Variants in ST7L observed in about 807,000 individuals in gnomAD.
ST7L encodes the protein suppression of tumorigenicity 7 like.
In ST7L, 57 loss-of-function variants were observed where a neutral mutation model predicts 72.5. That is an observed-to-expected ratio of 0.79 (90% CI 0.64 to 0.98). The LOEUF is 0.98. Ranked by LOEUF, ST7L falls within the 50% of genes least tolerant of loss-of-function variation. ST7L has a pLI of 0.00. For synonymous variants in ST7L, 221 were observed against 240.9 expected (o/e 0.92, Z 0.77); for missense variants, 576 against 672.2 (o/e 0.86, Z 1.58).
chr1:112,530,987 G>A (rs1045929748), intron 14 of ST7L, among the ~76,000 whole-genome samples: 4 of 152,150 alleles, frequency 2.6e-5, no homozygotes, highest in Non-Finnish European at 5.9e-5. Context: ...TTAACATGAT[G>A]TGTGCCTATT....
rs574775250 is a variant in ST7L, at chr1:112,596,927, G to A, written c.622+1044C>T. On this transcript the variant is annotated intron_variant, in intron 5 of 14. Coordinates refer to ENST00000358039, the MANE Select transcript of ST7L (RefSeq NM_017744.5). ...GCTGGGATTACAGGCGTGAGCCACCGCGCCCAGCCCATTCATACTTTCCTC... is the reference window on the plus strand; with the variant it reads ...GCTGGGATTACAGGCGTGAGCCACCACGCCCAGCCCATTCATACTTTCCTC... 4.9e-3 allele frequency among the ~76,000 whole-genome samples: 744 copies of A among 152,172 alleles called. 1 individual carries two copies. The highest frequency in any genetic ancestry group is 0.016 in the African/African-American group (659 of 41,518).
At chr1:112,603,032 T>TA (rs1312546314) in intron 3 of ST7L, among the ~76,000 whole-genome samples, 2 of 152,078 alleles carry the variant, frequency 1.3e-5, no homozygotes, top group East Asian at 3.9e-4. Context: ...GATATTTTCT[T>TA]AAAAATGAAC....
intron 14 of ST7L, chr1:112,528,797 A>G (rs1653877685): frequency 6.6e-6 from 1 of 152,194 alleles, no homozygotes; most frequent in Non-Finnish European, 1.5e-5. Flanking sequence ...TGCAGCTAGC[A>G]GATTTATCGT....
At chr1:112,608,286 T>C (rs1008938047) in intron 3 of ST7L, among the ~76,000 whole-genome samples, 8 of 152,194 alleles carry the variant, frequency 5.3e-5, no homozygotes, top group Non-Finnish European at 1.0e-4. Flanking sequence ...CCTAAAGCAC[T>C]AGAATTATAG....
At chr1:112,560,065 C>T (rs1659851975) in intron 11 of ST7L, among the ~76,000 whole-genome samples, 3 of 152,102 alleles carry the variant, frequency 2.0e-5, no homozygotes, top group African/African-American at 7.2e-5. Flanking sequence ...GTCCTACCCA[C>T]CAGCAAATAT....
At chr1:112,528,552 C>G (rs933463093) in intron 14 of ST7L, 6 of 152,330 alleles carry the variant, frequency 3.9e-5, no homozygotes, top group Admixed American at 6.5e-5. Context: ...TTAACTACAG[C>G]TCCTTATCAT....
rs1653157391 is a variant in ST7L, at chr1:112,524,797, ACTT to A, written c.*1213_*1215del. The A allele has an allele frequency of 6.6e-6, 1 of 152,012 alleles. No individual in the cohort carries two copies. Among genetic ancestry groups the A allele is most frequent in the African/African-American group, 2.4e-5 (1 of 41,344 alleles). 9.4% of individuals were successfully genotyped at this position (152,012 alleles called of 1,614,324 possible). A position where few individuals can be genotyped will look rare whatever the true frequency, so the allele number is the denominator to read the frequency against. On this transcript the variant is annotated 3_prime_UTR_variant, in exon 15 of 15. Coordinates refer to ENST00000358039, the MANE Select transcript of ST7L (RefSeq NM_017744.5). The stretch of plus-strand genomic sequence containing the variant: ...GTGTACATATACAGACACATAGAGA[ACTT>A]CTCTCAGGCTGCATAGGAGTTCTGC...
At chr1:112,618,147 A>G (rs1171620569) in intron 1 of ST7L, 6 of 1,275,510 alleles carry the variant, frequency 4.7e-6, no homozygotes, top group Non-Finnish European at 5.1e-6. Flanking sequence ...AGTGAAATAT[A>G]ATCACATGGT....
chr1:112,547,342 GCCA>G (rs1380298264), intron 13 of ST7L, among the ~76,000 whole-genome samples: 1 of 151,804 alleles, frequency 6.6e-6, no homozygotes, highest in Non-Finnish European at 1.5e-5. Flanking sequence ...ACAGGCGCAA[GCCA>G]CCACACCTGG....
chr1:112,564,739 C>T (rs1660685698), intron 11 of ST7L, among the ~76,000 whole-genome samples: 1 of 150,486 alleles, frequency 6.6e-6, no homozygotes, highest in Non-Finnish European at 1.5e-5. Flanking sequence ...ATTGCTTGAA[C>T]CCAGGAGGCG....
intron 13 of ST7L, among the ~76,000 whole-genome samples, chr1:112,543,599 T>C (rs1470500688): frequency 1.3e-5 from 2 of 151,896 alleles, no homozygotes; most frequent in Admixed American, 6.6e-5. Context: ...CCAGGTGTGG[T>C]TGCTCATGTC....
intron 8 of ST7L, 133 bp from the exon 9 acceptor site, chr1:112,582,239 G>T: frequency 1.1e-6 from 1 of 869,766 alleles, no homozygotes; most frequent in Non-Finnish European, 1.8e-6. Flanking sequence ...AGAAAGGTAC[G>T]TATATTAAAT....
At chr1:112,570,564 T>TACACACACACAC (rs1661919281) in intron 11 of ST7L, among the ~76,000 whole-genome samples, 1 of 130,630 alleles carries the variant, frequency 7.7e-6, no homozygotes, top group African/African-American at 3.1e-5. Flanking sequence ...TATATATATA[T>TACACACACACAC]ATATATACAC....
intron 4 of ST7L, among the ~76,000 whole-genome samples, 183 bp downstream of exon 4, chr1:112,600,610 TA>T (rs1297210959): frequency 2.3e-4 from 33 of 144,872 alleles, no homozygotes; most frequent in South Asian, 2.2e-4. Flanking sequence ...AAATTTTAAT[TA>T]AAAAAAAAAA....
intron 9 of ST7L, among the ~76,000 whole-genome samples, chr1:112,578,727 T>A (rs1663559426): frequency 6.6e-6 from 1 of 152,158 alleles, no homozygotes; most frequent in African/African-American, 2.4e-5. Context: ...TGAGCCAAGA[T>A]TGCGCCATTG....
At chr1:112,541,881 CAGG>C in intron 14 of ST7L, 67 bp downstream of exon 14, 1 of 1,579,958 alleles carries the variant, frequency 6.3e-7, no homozygotes, top group African/African-American at 1.4e-5. Flanking sequence ...TGGGTTAGCA[CAGG>C]CAGATCAGAG....
At chr1:112,520,457 A>T, downstream of ST7L, 2 of 1,614,194 alleles carry the variant, frequency 1.2e-6, no homozygotes, top group South Asian at 2.2e-5. Context: ...AATACTGTGG[A>T]CGTCCATACT....
intron 6 of ST7L, 49 bp from the exon 7 acceptor site, chr1:112,584,175 G>T: frequency 1.3e-6 from 2 of 1,558,614 alleles, no homozygotes; most frequent in East Asian, 2.3e-5. Context: ...TAAAGCAAGT[G>T]TTTTCTCTTG....
At chr1:112,592,560 A>T (rs1302908054) in intron 5 of ST7L, among the ~76,000 whole-genome samples, 2 of 152,210 alleles carry the variant, frequency 1.3e-5, no homozygotes, top group African/African-American at 2.4e-5. Flanking sequence ...GATACTGGCC[A>T]GGTAAAGAAC....
Sources: allele counts gnomAD v4.1 joint callset (sites outside exome capture counted in the v4.1 genomes callset), GRCh38; gene constraint gnomAD v4.1.1; transcripts MANE v1.5; gene names NCBI Gene and HGNC (gene_info 2026-07-23, HGNC 2026-07-21).